The following OBI1 variants were observed in gnomAD, a reference collection of about 807,000 sequenced individuals.
The protein encoded by OBI1 is ORC ubiquitin ligase 1, also known as ring finger protein 219.
A neutral mutation model predicts 62.4 loss-of-function variants in OBI1; 59 were observed. The observed-to-expected ratio is 0.95, with a 90% CI of 0.77 to 1.17. The LOEUF is 1.17. OBI1 is among the 50% of genes most tolerant of loss of function. The pLI is 0.00. For missense variants in OBI1, 875 were observed against 830.9 expected, an observed-to-expected ratio of 1.05 and a Z score of -0.65; for synonymous variants, 302 against 292.8, an observed-to-expected ratio of 1.03 and a Z score of -0.32.
intron 3 of OBI1, among the ~76,000 whole-genome samples, chr13:78,639,728 A>T (rs1876151642): frequency 6.7e-6 from 1 of 149,388 alleles, no homozygotes. Context: ...CATTCTCAGT[A>T]AACTATCGCA....
At chr13:78,649,035 G>C (rs372100055) in intron 1 of OBI1, among the ~76,000 whole-genome samples, 1 of 152,138 alleles carries the variant, frequency 6.6e-6, no homozygotes, top group Admixed American at 6.5e-5. Context: ...ATCATATACT[G>C]AAGTGGCAAA....
chr13:78,654,261 A>C (rs1186920841), intron 1 of OBI1, among the ~76,000 whole-genome samples: 1 of 152,214 alleles, frequency 6.6e-6, no homozygotes, highest in Non-Finnish European at 1.5e-5. Context: ...GAATTAACTT[A>C]TTATACACTA....
At chr13:78,621,357 C>T (rs778718712) in intron 5 of OBI1, among the ~76,000 whole-genome samples, 7 of 152,178 alleles carry the variant, frequency 4.6e-5, no homozygotes, top group Admixed American at 2.0e-4. Context: ...AAATAATAGA[C>T]GTGCTTCATG....
intron 1 of OBI1, among the ~76,000 whole-genome samples, chr13:78,656,612 TTAAG>T (rs1347086003): frequency 2.0e-5 from 3 of 147,792 alleles, no homozygotes; most frequent in African/African-American, 7.5e-5. Flanking sequence ...AGAAAAAAAG[TTAAG>T]TAACTTGTAA....
At chr13:78,646,154 G>C (rs923085060) in intron 1 of OBI1, among the ~76,000 whole-genome samples, 7 of 152,136 alleles carry the variant, frequency 4.6e-5, no homozygotes, top group Non-Finnish European at 1.0e-4. Context: ...TTTATCAGGA[G>C]GAAGAAAGAA....
chr13:78,645,423 GT>G (rs1486591652), intron 1 of OBI1, among the ~76,000 whole-genome samples: 1 of 152,138 alleles, frequency 6.6e-6, no homozygotes, highest in African/African-American at 2.4e-5. Flanking sequence ...TCATTCCACT[GT>G]TACAGAATAA....
Position 78,642,151 on chromosome 13 carries a change from T to C in OBI1, c.271A>G (p.Arg91Gly). The C allele has an allele frequency of 6.2e-7, 1 of 1,607,274 alleles. No individual in the cohort carries two copies. Among genetic ancestry groups the C allele is most frequent in the Non-Finnish European group, 8.5e-7 (1 of 1,173,956 alleles). The change falls in exon 3 of 6, where the codon AGA (arginine) becomes GGA (glycine). Residue 91 changes from arginine to glycine, a missense_variant. Arg to Gly is a moderately radical substitution (Grantham distance 125). Coordinates refer to ENST00000282003, the MANE Select transcript of OBI1 (RefSeq NM_024546.4). ...TATTCTTTGTGTAGTAATTCAAGTC[T>C]AGTTTTCCGAAGATGCTTCCTGACC... ...HTVRKHLRKTRLELLHKEYED... is the reference protein window; with the variant it reads ...HTVRKHLRKTGLELLHKEYED...
In OBI1 at chr13:78,642,176, C is replaced by T. The variant is rs377301991; in HGVS notation, c.246G>A (p.Thr82=). 2.0e-5 allele frequency: 33 copies of T among 1,610,244 alleles called. No homozygotes were observed. The highest frequency in any genetic ancestry group is 4.4e-5 in the South Asian group (4 of 90,918). The change falls in exon 3 of 6, where the codon ACG becomes ACA. Residue 82 remains threonine, a synonymous_variant. Transcript: ENST00000282003. The part of the protein sequence containing the change: ...TSESEPMLSH[T]VRKHLRKTRL... Reference sequence around the variant, plus strand: ...TAGTTTTCCGAAGATGCTTCCTGACCGTATGGCTTAGCATAGGTTCACTTT... The same window carrying T: ...TAGTTTTCCGAAGATGCTTCCTGACTGTATGGCTTAGCATAGGTTCACTTT...
chr13:78,658,360 A>G (rs1876771488), intron 1 of OBI1, among the ~76,000 whole-genome samples: 1 of 152,138 alleles, frequency 6.6e-6, no homozygotes, highest in Non-Finnish European at 1.5e-5. Context: ...CTAATTCAGA[A>G]CCACTTTCCC....
At chr13:78,631,636 G>A (rs1026975166) in intron 5 of OBI1, among the ~76,000 whole-genome samples, 4 of 152,088 alleles carry the variant, frequency 2.6e-5, no homozygotes, top group Admixed American at 2.6e-4. Context: ...GCATAATAAG[G>A]ATTCAGAAAG....
At chr13:78,646,216 A>T (rs1192511950) in intron 1 of OBI1, among the ~76,000 whole-genome samples, 1 of 152,102 alleles carries the variant, frequency 6.6e-6, no homozygotes, top group Non-Finnish European at 1.5e-5. Flanking sequence ...CTGATATTAT[A>T]CTCGTGTTTA....
At chr13:78,646,136 G>A (rs964789378) in intron 1 of OBI1, among the ~76,000 whole-genome samples, 1 of 152,172 alleles carries the variant, frequency 6.6e-6, no homozygotes, top group African/African-American at 2.4e-5. Flanking sequence ...TTGACTGTTT[G>A]TAGTTGTTTT....
At chr13:78,650,879 A>C (rs1241642632) in intron 1 of OBI1, among the ~76,000 whole-genome samples, 1 of 152,104 alleles carries the variant, frequency 6.6e-6, no homozygotes, top group East Asian at 1.9e-4. Context: ...CCTCCCACCT[A>C]AGTTAATGAG....
chr13:78,645,929 C>A (rs957635822), intron 1 of OBI1, among the ~76,000 whole-genome samples: 3 of 152,190 alleles, frequency 2.0e-5, no homozygotes, highest in African/African-American at 7.2e-5. Flanking sequence ...GGATTACAGG[C>A]GTGAGCCACC....
At position 78,617,082 on chromosome 13, in the gene OBI1, C is replaced by T. The variant is rs1224039013; in HGVS notation, c.679G>A (p.Glu227Lys). 2 of 1,582,550 alleles carry T rather than the reference C, an allele frequency of 1.3e-6. No homozygotes were observed. The highest frequency in any genetic ancestry group is 1.7e-6 in the Non-Finnish European group (2 of 1,166,190). Residue 227 changes from glutamate (E) to lysine (K), a missense_variant, in exon 6 of 6, where the codon GAA becomes AAA. Coordinates refer to ENST00000282003, the MANE Select transcript of OBI1 (RefSeq NM_024546.4). Reference protein sequence around the residue: ...FAVAALQSKVEQYERETNRLK... With the variant: ...FAVAALQSKVKQYERETNRLK... ...CGATTGGTTTCACGCTCATACTGTT[C>T]TACTTTGGACTGAAGAGCAGCAACT...
chr13:78,656,051 A>G (rs1876692828), intron 1 of OBI1, among the ~76,000 whole-genome samples: 1 of 152,242 alleles, frequency 6.6e-6, no homozygotes, highest in Non-Finnish European at 1.5e-5. Flanking sequence ...TTCATTTTGA[A>G]GTGCTCCAGC....
chr13:78,637,069 A>G (rs1352421327), intron 4 of OBI1, among the ~76,000 whole-genome samples: 5 of 152,248 alleles, frequency 3.3e-5, no homozygotes, highest in African/African-American at 1.2e-4. Flanking sequence ...TGAATATTTC[A>G]GCTAACCCTT....
At chr13:78,657,215 G>A (rs908221148) in intron 1 of OBI1, among the ~76,000 whole-genome samples, 2 of 151,874 alleles carry the variant, frequency 1.3e-5, no homozygotes, top group East Asian at 3.9e-4. Flanking sequence ...TGGCACATAA[G>A]ATTAAGACAA....
In OBI1 at chr13:78,641,714, A is replaced by T. The variant is rs528746263; in HGVS notation, c.300+408T>A. On this transcript the variant is annotated intron_variant, in intron 3 of 5. Coordinates refer to ENST00000282003, the MANE Select transcript of OBI1 (RefSeq NM_024546.4). Reference sequence around the variant, plus strand: ...TATAATCATCAGTAACTTCATAGGCAGAAGCAACTGATGACTGCAGAGGTC... The same window carrying T: ...TATAATCATCAGTAACTTCATAGGCTGAAGCAACTGATGACTGCAGAGGTC... 2.0e-5 allele frequency among the ~76,000 whole-genome samples: 3 copies of T among 152,246 alleles called. No homozygotes were observed. In the South Asian group the frequency reaches 6.2e-4, roughly 32 times the overall value.
Sources: allele counts gnomAD v4.1 joint callset (sites outside exome capture counted in the v4.1 genomes callset), GRCh38; gene constraint gnomAD v4.1.1; transcripts MANE v1.5; gene names NCBI Gene and HGNC (gene_info 2026-07-23, HGNC 2026-07-21).